NCKAP1: variants seen among roughly 807,000 people sequenced by gnomAD.
NCKAP1 encodes the protein nck-associated protein 1.
In NCKAP1, 21 loss-of-function variants were observed where a neutral mutation model predicts 151.2. The ratio of observed to expected loss-of-function variants is 0.14; its 90% CI spans 0.10 to 0.20. The LOEUF (loss-of-function observed/expected upper bound fraction) is 0.20, where lower values mean the gene tolerates loss of function less well. Among genes scored for constraint, NCKAP1 ranks in the 10% least tolerant of loss-of-function variants. NCKAP1 has a pLI of 1.00. For synonymous variants in NCKAP1, 484 were observed against 451.8 expected, an observed-to-expected ratio of 1.07 and a Z score of -0.90; for missense variants, 933 against 1,352.1, an observed-to-expected ratio of 0.69 and a Z score of 4.86.
chr2:182,994,722 T>C (rs1010587568), intron 8 of NCKAP1, 117 bp downstream of exon 8: 6 of 754,166 alleles, frequency 8.0e-6, no homozygotes, highest in African/African-American at 3.6e-5. Context: ...AAAGAGGTAA[T>C]GGACATAGAT....
chr2:182,968,655 T>G lies in NCKAP1; in HGVS notation c.1483-1294A>C, dbSNP rs978182424. Among the ~76,000 whole-genome samples, 4 of 152,344 alleles carry G rather than the reference T, an allele frequency of 2.6e-5. No homozygotes were observed. The East Asian group carries it at 7.7e-4, about 29-fold the overall frequency. ...CATGCACAGAATTCATTTTGGCTCCTCTGTACCACACCTGCAGAGCTTAGG... is the reference window on the plus strand; with the variant it reads ...CATGCACAGAATTCATTTTGGCTCCGCTGTACCACACCTGCAGAGCTTAGG... On this transcript the variant is annotated intron_variant, in intron 15 of 30. Coordinates refer to ENST00000361354, the MANE Select transcript of NCKAP1 (RefSeq NM_013436.5).
chr2:182,953,343 G>C lies in NCKAP1; in HGVS notation c.2154-12C>G, dbSNP rs1024025709. 8 of 1,575,070 alleles carry C rather than the reference G, an allele frequency of 5.1e-6. No individual in the cohort carries two copies. In the African/African-American group the frequency reaches 1.1e-4, roughly 22 times the overall value. On this transcript the variant is annotated splice_polypyrimidine_tract_variant and intron_variant, in intron 20 of 30. Transcript: ENST00000361354. The stretch of plus-strand genomic sequence containing the variant: ...TCCCAACAATTGACCTGGGAAGAAG[G>C]GATAGAAGAATAAGAAAAGCCTCTG...
At chr2:183,026,168 C>G (rs1182494503) in intron 1 of NCKAP1, among the ~76,000 whole-genome samples, 1 of 152,170 alleles carries the variant, frequency 6.6e-6, no homozygotes, top group Non-Finnish European at 1.5e-5. Context: ...TTGTCCAAGT[C>G]CAGTGGCTCA....
chr2:183,030,662 A>T (rs1209681057), intron 1 of NCKAP1, among the ~76,000 whole-genome samples: 1 of 152,234 alleles, frequency 6.6e-6, no homozygotes. Context: ...AATTGAAGGA[A>T]TAAAGGGACA....
intron 6 of NCKAP1, among the ~76,000 whole-genome samples, chr2:182,996,682 T>C (rs1050525071): frequency 2.6e-5 from 4 of 152,190 alleles, no homozygotes; most frequent in Non-Finnish European, 5.9e-5. Flanking sequence ...GGTCTCGATC[T>C]CCTGACCTCC....
chr2:182,972,200 T>A (rs1697710495), intron 15 of NCKAP1, among the ~76,000 whole-genome samples: 1 of 52,070 alleles, frequency 1.9e-5, no homozygotes. Flanking sequence ...TCAGAATATA[T>A]AAGGAACTCA....
At chr2:182,974,108 T>G (rs1697754346) in intron 15 of NCKAP1, among the ~76,000 whole-genome samples, 1 of 152,130 alleles carries the variant, frequency 6.6e-6, no homozygotes, top group South Asian at 2.1e-4. Flanking sequence ...CTTTCACCTT[T>G]GAGCTGCTTT....
At chr2:183,024,883 G>A in intron 1 of NCKAP1, 2 of 1,372,816 alleles carry the variant, frequency 1.5e-6, no homozygotes, top group Non-Finnish European at 2.0e-6. Flanking sequence ...GTTTACTATG[G>A]CTATGTTGTG....
intron 1 of NCKAP1, among the ~76,000 whole-genome samples, chr2:183,030,148 C>T (rs1438946262): frequency 6.6e-6 from 1 of 152,120 alleles, no homozygotes; most frequent in Non-Finnish European, 1.5e-5. Context: ...CTGCTTAAAA[C>T]CTCAGGAAGC....
At chr2:182,955,870 C>T (rs963051333) in intron 20 of NCKAP1, among the ~76,000 whole-genome samples, 1 of 152,112 alleles carries the variant, frequency 6.6e-6, no homozygotes, top group Admixed American at 6.6e-5. Flanking sequence ...TACTGGGTTG[C>T]CACCTGCAAG....
intron 1 of NCKAP1, among the ~76,000 whole-genome samples, chr2:183,031,852 G>A (rs910316305): frequency 6.6e-6 from 1 of 152,176 alleles, no homozygotes; most frequent in South Asian, 2.1e-4. Flanking sequence ...ACAGCTTGAA[G>A]CATAACAGAA....
At chr2:182,935,434 T>G in intron 24 of NCKAP1, 59 bp from the exon 25 acceptor site, 1 of 1,027,904 alleles carries the variant, frequency 9.7e-7, no homozygotes, top group Non-Finnish European at 1.4e-6. Flanking sequence ...GATTCTTTCT[T>G]AAACTTGGAA....
intron 2 of NCKAP1, among the ~76,000 whole-genome samples, chr2:183,010,762 G>A (rs1698577513): frequency 6.6e-6 from 1 of 152,092 alleles, no homozygotes; most frequent in South Asian, 2.1e-4. Flanking sequence ...TTGGTCAAGT[G>A]TAACATTTTT....
chr2:183,003,331 A>G lies in NCKAP1; in HGVS notation c.220-6T>C. 1 of 1,560,920 alleles carries G rather than the reference A, an allele frequency of 6.4e-7. No individual in the cohort carries two copies. Among genetic ancestry groups the G allele is most frequent in the Non-Finnish European group, 8.7e-7 (1 of 1,144,568 alleles). On this transcript the variant is annotated splice_region_variant and splice_polypyrimidine_tract_variant and intron_variant, in intron 2 of 30. Coordinates refer to ENST00000361354, the MANE Select transcript of NCKAP1 (RefSeq NM_013436.5). Reference sequence around the variant, plus strand: ...TGTAGTTGTGCAAGCTGTTGCTGTAAAAACAAAATTAGAATGCATTGCTCA... The same window carrying G: ...TGTAGTTGTGCAAGCTGTTGCTGTAGAAACAAAATTAGAATGCATTGCTCA...
At chr2:182,987,488 CAG>C (rs1331198920) in intron 9 of NCKAP1, among the ~76,000 whole-genome samples, 4 of 152,160 alleles carry the variant, frequency 2.6e-5, no homozygotes, top group African/African-American at 7.2e-5. Context: ...ATTTTAAATA[CAG>C]AGATTCTCAA....
At chr2:183,015,845 G>A (rs1439047455) in intron 2 of NCKAP1, among the ~76,000 whole-genome samples, 1 of 145,544 alleles carries the variant, frequency 6.9e-6, no homozygotes, top group Non-Finnish European at 1.5e-5. Flanking sequence ...GAGAAGAAAA[G>A]GACAAATGGA....
intron 25 of NCKAP1, 100 bp downstream of exon 25, chr2:182,935,193 A>G (rs534418531): frequency 3.6e-6 from 3 of 829,194 alleles, no homozygotes; most frequent in African/African-American, 1.8e-5. Context: ...AATTTTAATT[A>G]TATCATTGCT....
intron 2 of NCKAP1, among the ~76,000 whole-genome samples, 196 bp from the exon 3 acceptor site, chr2:183,003,521 T>C (rs1312090700): frequency 6.6e-6 from 1 of 152,050 alleles, no homozygotes; most frequent in Non-Finnish European, 1.5e-5. Flanking sequence ...AGTGTGAGGC[T>C]ATAAAACAAA....
intron 23 of NCKAP1, among the ~76,000 whole-genome samples, chr2:182,951,206 C>T (rs946495930): frequency 6.6e-6 from 1 of 152,112 alleles, no homozygotes; most frequent in East Asian, 1.9e-4. Flanking sequence ...TTTAGTCACA[C>T]TGACTCTTGC....
Sources: allele counts gnomAD v4.1 joint callset (sites outside exome capture counted in the v4.1 genomes callset), GRCh38; gene constraint gnomAD v4.1.1; transcripts MANE v1.5; gene names NCBI Gene and HGNC (gene_info 2026-07-23, HGNC 2026-07-21).